The following HDAC2 variants were observed in gnomAD, a reference collection of about 807,000 sequenced individuals.
HDAC2 encodes the protein histone deacetylase 2, also known as YY1-associated factor 1.
A neutral mutation model predicts 68.5 loss-of-function variants in HDAC2; 5 were observed. The observed-to-expected ratio is 0.07, with a 90% CI of 0.04 to 0.15. The LOEUF (loss-of-function observed/expected upper bound fraction) is 0.15. HDAC2 is among the 10% of genes least tolerant of loss of function. The pLI is 1.00. For missense variants in HDAC2, 291 were observed against 600.8 expected (o/e 0.48, Z 5.39); for synonymous variants, 182 against 191.3 (o/e 0.95, Z 0.40).
chr6:113,942,958 T>C (rs546396613), intron 12 of HDAC2, among the ~76,000 whole-genome samples: 62 of 152,298 alleles, frequency 4.1e-4, no homozygotes, highest in Non-Finnish European at 6.5e-4. Context: ...TAAGGATATG[T>C]AACTCTTCTT....
At chr6:113,964,659 T>G (rs750038358) in intron 1 of HDAC2, among the ~76,000 whole-genome samples, 3 of 152,226 alleles carry the variant, frequency 2.0e-5, no homozygotes, top group Non-Finnish European at 4.4e-5. Flanking sequence ...GTCTCAATAC[T>G]TCACCTGATA....
intron 1 of HDAC2, chr6:113,968,315 A>G (rs1318425335): frequency 1.3e-5 from 2 of 152,126 alleles, no homozygotes; most frequent in Non-Finnish European, 2.9e-5. Flanking sequence ...TCCCAATCCA[A>G]TCCATGTTAT....
intron 6 of HDAC2, among the ~76,000 whole-genome samples, chr6:113,952,400 A>G (rs1239736279): frequency 2.0e-5 from 3 of 152,260 alleles, no homozygotes; most frequent in Non-Finnish European, 4.4e-5. Context: ...TTACTGAGAA[A>G]GTATCACACT....
intron 1 of HDAC2, chr6:113,962,351 T>C: frequency 2.2e-6 from 2 of 889,146 alleles, no homozygotes; most frequent in Non-Finnish European, 2.7e-6. Flanking sequence ...CAACAGGGAA[T>C]GTCAAGGACA....
intron 6 of HDAC2, among the ~76,000 whole-genome samples, chr6:113,949,908 A>T (rs1776367039): frequency 6.6e-6 from 1 of 151,906 alleles, no homozygotes; most frequent in South Asian, 2.1e-4. Flanking sequence ...CAGCCTACCG[A>T]GTGGCTGGGA....
rs771271108 is a variant in HDAC2 at position 113,943,353 on chromosome 6, G to C, written c.1376C>G (p.Thr459Arg). 2 of 1,593,242 alleles carry C rather than the reference G, an allele frequency of 1.3e-6. No homozygotes were observed. Among genetic ancestry groups the C allele is most frequent in the Non-Finnish European group, 1.7e-6 (2 of 1,173,414 alleles). ...AATTACCAAGAAACAAATCTGACCTGTTTTTTTGTCCTCTGTTTCTTTCTT... is the reference window on the plus strand; with the variant it reads ...AATTACCAAGAAACAAATCTGACCTCTTTTTTTGTCCTCTGTTTCTTTCTT... ...EDKKETEDKKTDVKEEDKSKD... is the reference protein window; with the variant it reads ...EDKKETEDKKRDVKEEDKSKD... Residue 459 changes from threonine to arginine, a missense_variant and splice_region_variant, in exon 12 of 14, where the codon ACA becomes AGA. Coordinates refer to ENST00000519065, the MANE Select transcript of HDAC2 (RefSeq NM_001527.4).
intron 1 of HDAC2, chr6:113,968,268 A>G (rs567404596): frequency 1.3e-5 from 2 of 152,286 alleles, no homozygotes; most frequent in Middle Eastern, 3.4e-3. Context: ...CTAGGCTAGC[A>G]GATAATTCAG....
chr6:113,962,421 T>C, intron 1 of HDAC2: 3 of 672,490 alleles, frequency 4.5e-6, no homozygotes, highest in South Asian at 6.6e-5. Flanking sequence ...ATATGAAATA[T>C]AAATATTTTA....
At chr6:113,952,667 T>C (rs1050666635) in intron 6 of HDAC2, among the ~76,000 whole-genome samples, 4 of 152,132 alleles carry the variant, frequency 2.6e-5, no homozygotes, top group African/African-American at 9.7e-5. Flanking sequence ...AAACCTTCAA[T>C]GAACTTATAG....
chr6:113,948,005 G>A (rs908531024), intron 8 of HDAC2: 1 of 152,064 alleles, frequency 6.6e-6, no homozygotes, highest in Non-Finnish European at 1.5e-5. Context: ...AAACACTCAT[G>A]ATAAAAATCA....
intron 10 of HDAC2, 149 bp downstream of exon 10, chr6:113,945,213 G>T (rs1472628643): frequency 6.1e-6 from 2 of 330,100 alleles, no homozygotes; most frequent in Non-Finnish European, 1.1e-5. Context: ...AAAAAAAAAA[G>T]AATAATCAGT....
At chr6:113,962,743 C>T (rs760275558) in intron 1 of HDAC2, among the ~76,000 whole-genome samples, 13 of 151,912 alleles carry the variant, frequency 8.6e-5, no homozygotes, top group Non-Finnish European at 1.9e-4. Flanking sequence ...GCGGGCAGAT[C>T]ACGAAGTCAA....
intron 1 of HDAC2, among the ~76,000 whole-genome samples, chr6:113,965,150 GT>G (rs1330515590): frequency 6.6e-6 from 1 of 152,128 alleles, no homozygotes; most frequent in Non-Finnish European, 1.5e-5. Context: ...TTACTACACA[GT>G]TTTGTGCAGT....
chr6:113,959,685 G>A, intron 2 of HDAC2: 1 of 319,962 alleles, frequency 3.1e-6, no homozygotes. Flanking sequence ...AAAGCCTAGG[G>A]TAGGGGGAAC....
intron 1 of HDAC2, chr6:113,970,538 C>A: frequency 8.2e-7 from 1 of 1,225,338 alleles, no homozygotes; most frequent in Non-Finnish European, 1.0e-6. Flanking sequence ...CCCTTCGCCG[C>A]CGCCACCACC....
chr6:113,949,701 G>A (rs1776357948), intron 6 of HDAC2, among the ~76,000 whole-genome samples: 1 of 152,068 alleles, frequency 6.6e-6, no homozygotes, highest in Non-Finnish European at 1.5e-5. Context: ...TTCACAATCT[G>A]TTGGTATGAG....
intron 12 of HDAC2, among the ~76,000 whole-genome samples, chr6:113,942,742 C>CAT (rs989285088): frequency 2.6e-5 from 4 of 152,134 alleles, no homozygotes; most frequent in Non-Finnish European, 5.9e-5. Flanking sequence ...TCTGGGAAGT[C>CAT]AGATGAAAGG....
intron 1 of HDAC2, chr6:113,970,518 A>C: frequency 8.4e-7 from 1 of 1,184,232 alleles, no homozygotes; most frequent in Non-Finnish European, 1.0e-6. Flanking sequence ...AAGGGAGAGA[A>C]TGGGCCGCCC....
At chr6:113,960,244 T>C (rs1396382888) in intron 1 of HDAC2, among the ~76,000 whole-genome samples, 2 of 152,078 alleles carry the variant, frequency 1.3e-5, no homozygotes, top group Non-Finnish European at 2.9e-5. Context: ...TATATTTATT[T>C]GTAGATTAAG....
Sources: gnomAD v4.1 joint callset for allele counts (sites outside exome capture counted in the v4.1 genomes callset) on GRCh38, gnomAD v4.1.1 for gene constraint, MANE v1.5 for transcripts, NCBI Gene and HGNC (gene_info 2026-07-23, HGNC 2026-07-21) for gene names.